Variants in PRKCE observed in about 807,000 individuals in gnomAD.
PRKCE encodes the protein protein kinase C epsilon type.
A neutral mutation model predicts 85.4 loss-of-function variants in PRKCE; 16 were observed. That is an observed-to-expected ratio of 0.19 (90% CI 0.13 to 0.28). The LOEUF is 0.28. Ranked by LOEUF, PRKCE falls within the 10% of genes least tolerant of loss-of-function variation. PRKCE has a pLI of 1.00. For missense variants in PRKCE, 573 were observed against 975.2 expected (o/e 0.59, Z 5.49); for synonymous variants, 388 against 371.5 (o/e 1.04, Z -0.51).
intron 2 of PRKCE, among the ~76,000 whole-genome samples, chr2:45,969,760 A>G (rs1165725006): frequency 6.6e-6 from 1 of 152,246 alleles, no homozygotes; most frequent in Non-Finnish European, 1.5e-5. Flanking sequence ...GTCAGCCTAT[A>G]TAATCCCATC....
chr2:46,134,301 A>C (rs1255523122), intron 11 of PRKCE, among the ~76,000 whole-genome samples: 1 of 152,176 alleles, frequency 6.6e-6, no homozygotes, highest in African/African-American at 2.4e-5. Flanking sequence ...ATAGACACTC[A>C]TAGTGGAACA....
At chr2:45,727,932 C>T (rs555712294) in intron 1 of PRKCE, among the ~76,000 whole-genome samples, 2 of 152,240 alleles carry the variant, frequency 1.3e-5, no homozygotes, top group Admixed American at 6.5e-5. Context: ...AGATTACAGA[C>T]GTGAGCCACC....
At chr2:46,108,556 T>A (rs1321340380) in intron 11 of PRKCE, among the ~76,000 whole-genome samples, 1 of 152,184 alleles carries the variant, frequency 6.6e-6, no homozygotes, top group African/African-American at 2.4e-5. Context: ...GGGTACAATG[T>A]TCATTGCTCC....
intron 6 of PRKCE, among the ~76,000 whole-genome samples, chr2:46,000,697 G>T (rs1185647638): frequency 1.3e-5 from 2 of 152,044 alleles, no homozygotes; most frequent in African/African-American, 2.4e-5. Context: ...TCAACGACTG[G>T]GTCCCCCTTA....
At chr2:45,844,375 G>T (rs1573579659) in intron 2 of PRKCE, among the ~76,000 whole-genome samples, 3 of 152,236 alleles carry the variant, frequency 2.0e-5, no homozygotes, top group Admixed American at 6.5e-5. Flanking sequence ...TCTGCTCTCA[G>T]CTCTGAACTG....
rs756145362 is a variant in PRKCE at position 45,652,481 on chromosome 2, C to T, written c.348+33C>T. The T allele has an allele frequency of 1.9e-6, 3 of 1,558,692 alleles. No homozygotes were observed. The East Asian group carries it at 6.8e-5, about 35-fold the overall frequency. On this transcript the variant is annotated intron_variant, in intron 1 of 14. Coordinates refer to ENST00000306156, the MANE Select transcript of PRKCE (RefSeq NM_005400.3). The surrounding 1 kb of genome is among the most constrained non-coding windows in gnomAD (Gnocchi z 7.7). The stretch of plus-strand genomic sequence containing the variant: ...CGGCGCCTCCCCGTCATTCCGGGAA[C>T]CCGGTTGTGGGGTCCCGGGGAAAGA...
At chr2:45,682,460 T>C (rs918267767) in intron 1 of PRKCE, among the ~76,000 whole-genome samples, 3 of 152,140 alleles carry the variant, frequency 2.0e-5, no homozygotes, top group Non-Finnish European at 4.4e-5. Context: ...AGAATCTTGC[T>C]CTGTTGACCA....
intron 1 of PRKCE, among the ~76,000 whole-genome samples, chr2:45,744,534 CCTT>C (rs1475630720): frequency 2.9e-5 from 1 of 34,858 alleles, no homozygotes; most frequent in African/African-American, 8.5e-5. Flanking sequence ...CTTTTTCTTT[CCTT>C]CTTTCTTTCT....
intron 2 of PRKCE, among the ~76,000 whole-genome samples, chr2:45,913,291 G>A (rs1558825916): frequency 6.6e-6 from 1 of 152,196 alleles, no homozygotes; most frequent in Non-Finnish European, 1.5e-5. Context: ...GGGACCACAG[G>A]CGAGCACCAT....
At chr2:46,141,409 T>C (rs941807138) in intron 11 of PRKCE, among the ~76,000 whole-genome samples, 1 of 152,196 alleles carries the variant, frequency 6.6e-6, no homozygotes, top group African/African-American at 2.4e-5. Flanking sequence ...AATGAACATA[T>C]AATCATATTT....
intron 4 of PRKCE, 144 bp from the exon 5 acceptor site, chr2:45,980,152 G>A: frequency 1.6e-6 from 1 of 643,002 alleles, no homozygotes; most frequent in East Asian, 2.8e-5. Context: ...CTGTATAAAA[G>A]ACTTTAGGGA....
chr2:45,993,749 A>G (rs2711302), intron 6 of PRKCE, among the ~76,000 whole-genome samples: 24,209 of 152,136 alleles, frequency 0.16, 2,894 homozygotes, highest in East Asian at 0.53. Context: ...TGAGCATCAA[A>G]GGGCAGCTGA....
intron 2 of PRKCE, among the ~76,000 whole-genome samples, chr2:45,954,679 T>C (rs533601269): frequency 6.6e-6 from 1 of 152,348 alleles, no homozygotes; most frequent in African/African-American, 2.4e-5. Flanking sequence ...CTCATTTCAA[T>C]GTGCTATCAT....
At chr2:46,079,281 G>T (rs1013558607) in intron 10 of PRKCE, among the ~76,000 whole-genome samples, 3 of 152,052 alleles carry the variant, frequency 2.0e-5, no homozygotes, top group African/African-American at 7.3e-5. Flanking sequence ...TTCTCTAGGG[G>T]GTGCTAAGAT....
chr2:45,748,494 C>G (rs538257160), intron 1 of PRKCE, among the ~76,000 whole-genome samples: 9 of 152,162 alleles, frequency 5.9e-5, no homozygotes, highest in Non-Finnish European at 8.8e-5. Flanking sequence ...GCAAGCAGGC[C>G]GCTGCCAGCA....
intron 6 of PRKCE, among the ~76,000 whole-genome samples, chr2:45,988,883 C>G (rs1305373393): frequency 6.6e-6 from 1 of 152,214 alleles, no homozygotes; most frequent in Non-Finnish European, 1.5e-5. Flanking sequence ...ATGGGCCTCT[C>G]TGGGGCCCTT....
intron 10 of PRKCE, among the ~76,000 whole-genome samples, chr2:46,058,025 C>G (rs530905840): frequency 1.1e-3 from 160 of 152,248 alleles, no homozygotes; most frequent in African/African-American, 3.7e-3. Context: ...AATTCAGTTT[C>G]CTTTCCTCTG....
intron 2 of PRKCE, among the ~76,000 whole-genome samples, chr2:45,942,610 G>C (rs531659081): frequency 4.6e-5 from 7 of 152,156 alleles, no homozygotes; most frequent in African/African-American, 1.4e-4. Flanking sequence ...GTCTAATGAC[G>C]AGGTCCCCGC....
chr2:45,988,602 T>A (rs1195340092), intron 6 of PRKCE, among the ~76,000 whole-genome samples: 1 of 152,182 alleles, frequency 6.6e-6, no homozygotes, highest in East Asian at 1.9e-4. Flanking sequence ...ACTGAGATCC[T>A]TAACCGAGGG....
Sources: gnomAD v4.1 joint callset for allele counts (sites outside exome capture counted in the v4.1 genomes callset) on GRCh38, gnomAD v4.1.1 for gene constraint, Gnocchi (gnomAD v3.1) non-coding constraint, MANE v1.5 for transcripts, NCBI Gene and HGNC (gene_info 2026-07-23, HGNC 2026-07-21) for gene names.